Variants in DLGAP1 observed in about 807,000 individuals in gnomAD.
DLGAP1 encodes the protein DLG associated protein 1, also known as disks large-associated protein 1.
Under a neutral mutation model 90.8 loss-of-function variants are expected in DLGAP1, and 11 were observed. The observed-to-expected ratio is 0.12, with a 90% CI of 0.08 to 0.20. The LOEUF (loss-of-function observed/expected upper bound fraction) is 0.20. DLGAP1 is among the 10% of genes least tolerant of loss of function. The pLI is 1.00. For missense variants in DLGAP1, 1,050 were observed against 1,333.8 expected, an observed-to-expected ratio of 0.79 and a Z score of 3.31; for synonymous variants, 558 against 540.7, an observed-to-expected ratio of 1.03 and a Z score of -0.44.
In DLGAP1 at chr18:4,143,719, T is replaced by C. The variant is rs146504801; in HGVS notation, c.-159+7461A>G. Reference sequence around the variant, plus strand: ...CCTAGTCACCCAAACTGGGGATGTATTGGGTCACATGTGCATCCAGCATGG... The same window carrying C: ...CCTAGTCACCCAAACTGGGGATGTACTGGGTCACATGTGCATCCAGCATGG... On this transcript the variant is annotated intron_variant, in intron 2 of 12. Coordinates refer to ENST00000315677, the MANE Select transcript of DLGAP1 (RefSeq NM_004746.4). 7.5e-3 allele frequency among the ~76,000 whole-genome samples: 1,142 copies of C among 152,102 alleles called. 3 individuals carry two copies. The highest frequency in any genetic ancestry group is 0.011 in the Non-Finnish European group (715 of 68,000).
At position 4,074,166 on chromosome 18, in the gene DLGAP1, G is replaced by A. The variant is rs74401504; in HGVS notation, c.-158-68965C>T. Among the ~76,000 whole-genome samples, 37 of 152,214 alleles carry A rather than the reference G, an allele frequency of 2.4e-4. No homozygotes were observed. The East Asian group carries it at 2.5e-3, about 10-fold the overall frequency. On this transcript the variant is annotated intron_variant, in intron 2 of 12. Coordinates refer to ENST00000315677, the MANE Select transcript of DLGAP1 (RefSeq NM_004746.4). Reference sequence around the variant, plus strand: ...AATAAAGACCAATAAACTAGGAGGCGATATAAATGGATTCTAGACTTAGTT... The same window carrying A: ...AATAAAGACCAATAAACTAGGAGGCAATATAAATGGATTCTAGACTTAGTT...
rs2073144949 is a variant in DLGAP1 at position 3,959,282 on chromosome 18, T to G, written c.-73+45834A>C. ...ACCTGACCTTGTCTTTAGGTCCTTT[T>G]GTTTACCTGAAACGTCTACACTCTC... On this transcript the variant is annotated intron_variant, in intron 3 of 12. Coordinates refer to ENST00000315677, the MANE Select transcript of DLGAP1 (RefSeq NM_004746.4). 3.3e-5 allele frequency among the ~76,000 whole-genome samples: 5 copies of G among 152,184 alleles called. No homozygotes were observed. The South Asian group carries it at 1.0e-3, about 32-fold the overall frequency.
intron 5 of DLGAP1, among the ~76,000 whole-genome samples, chr18:3,801,614 A>G (rs750838666): frequency 6.6e-6 from 1 of 152,174 alleles, no homozygotes; most frequent in Non-Finnish European, 1.5e-5. Flanking sequence ...TTCTTGTCTT[A>G]TAGGTACTAT....
At chr18:3,799,062 C>CG (rs972050786) in intron 5 of DLGAP1, among the ~76,000 whole-genome samples, 10 of 152,072 alleles carry the variant, frequency 6.6e-5, no homozygotes, top group African/African-American at 1.4e-4. Context: ...TTAGTACAGA[C>CG]GGGGGGTTTT....
intron 1 of DLGAP1, among the ~76,000 whole-genome samples, chr18:4,402,984 G>T (rs573847688): frequency 1.3e-5 from 2 of 152,244 alleles, no homozygotes; most frequent in South Asian, 4.2e-4. Context: ...CTCAATATAT[G>T]AATTATGGTA....
intron 7 of DLGAP1, among the ~76,000 whole-genome samples, chr18:3,586,831 G>C (rs149771931): frequency 4.6e-5 from 7 of 152,224 alleles, no homozygotes; most frequent in Non-Finnish European, 1.0e-4. Flanking sequence ...TGGTTGGTTG[G>C]TTTCAGTTCT....
chr18:3,769,707 T>C (rs903184461), intron 5 of DLGAP1, among the ~76,000 whole-genome samples: 8 of 151,590 alleles, frequency 5.3e-5, no homozygotes, highest in African/African-American at 1.9e-4. Flanking sequence ...AGTGGTGGGG[T>C]TGGGAGGGAA....
intron 2 of DLGAP1, among the ~76,000 whole-genome samples, chr18:4,114,093 C>T (rs1264023393): frequency 3.9e-5 from 4 of 102,440 alleles, no homozygotes; most frequent in Admixed American, 1.1e-4. Flanking sequence ...CTTAGAATTG[C>T]TTTGGATAAT....
intron 1 of DLGAP1, among the ~76,000 whole-genome samples, chr18:4,269,214 T>C (rs1016713431): frequency 2.0e-5 from 3 of 151,244 alleles, no homozygotes; most frequent in Non-Finnish European, 4.4e-5. Flanking sequence ...TCCATATATC[T>C]ACTTAATTTT....
intron 1 of DLGAP1, among the ~76,000 whole-genome samples, chr18:4,432,589 A>AGTGTGTGTGTGTATGT (rs779917667): frequency 7.6e-4 from 85 of 111,472 alleles, no homozygotes; most frequent in African/African-American, 1.8e-3. Context: ...CACCTCACAT[A>AGTGTGTGTGTGTATGT]GTGTGTGTGT....
At chr18:4,096,385 C>G (rs1176422628) in intron 2 of DLGAP1, among the ~76,000 whole-genome samples, 1 of 152,164 alleles carries the variant, frequency 6.6e-6, no homozygotes, top group African/African-American at 2.4e-5. Context: ...AGCTATTTCT[C>G]TCACATAGGC....
intron 1 of DLGAP1, among the ~76,000 whole-genome samples, chr18:4,220,563 T>A (rs1306985632): frequency 2.0e-5 from 3 of 152,092 alleles, no homozygotes; most frequent in African/African-American, 7.2e-5. Flanking sequence ...TATTTTCCAC[T>A]CTCTCTAGTT....
At chr18:3,742,662 G>A in intron 5 of DLGAP1, 150 bp from the exon 6 acceptor site, 1 of 876,418 alleles carries the variant, frequency 1.1e-6, no homozygotes, top group Middle Eastern at 2.4e-4. Flanking sequence ...CCCCCACAGT[G>A]TCTCAGAAGG....
At chr18:4,169,969 T>C (rs1379739679) in intron 1 of DLGAP1, among the ~76,000 whole-genome samples, 1 of 152,142 alleles carries the variant, frequency 6.6e-6, no homozygotes, top group Non-Finnish European at 1.5e-5. Context: ...TCACTCTACA[T>C]TACACTCAGC....
chr18:3,534,052 G>T, intron 10 of DLGAP1, 142 bp downstream of exon 10: 1 of 900,824 alleles, frequency 1.1e-6, no homozygotes, highest in Non-Finnish European at 1.7e-6. Flanking sequence ...GAATCACCTA[G>T]CTCTCCTGCA....
intron 5 of DLGAP1, among the ~76,000 whole-genome samples, chr18:3,784,162 T>C (rs897121554): frequency 5.1e-4 from 77 of 152,140 alleles, no homozygotes; most frequent in African/African-American, 1.6e-3. Flanking sequence ...TGCAAATCCA[T>C]GTGTAAGTGG....
chr18:4,108,081 C>G (rs1471426501), intron 2 of DLGAP1, among the ~76,000 whole-genome samples: 1 of 152,216 alleles, frequency 6.6e-6, no homozygotes, highest in African/African-American at 2.4e-5. Context: ...TGACATTCTT[C>G]TGTCCCCTGA....
chr18:3,771,642 T>C (rs540239735), intron 5 of DLGAP1, among the ~76,000 whole-genome samples: 1 of 152,324 alleles, frequency 6.6e-6, no homozygotes, highest in African/African-American at 2.4e-5. Context: ...CTCATTCAAG[T>C]TTTTCCATGT....
At chr18:4,263,428 G>T (rs1598751943) in intron 1 of DLGAP1, among the ~76,000 whole-genome samples, 1 of 151,978 alleles carries the variant, frequency 6.6e-6, no homozygotes, top group African/African-American at 2.4e-5. Flanking sequence ...ATTAAAATTT[G>T]TTTGAAGTGA....
Sources: allele counts gnomAD v4.1 joint callset (sites outside exome capture counted in the v4.1 genomes callset), GRCh38; gene constraint gnomAD v4.1.1; transcripts MANE v1.5; gene names NCBI Gene and HGNC (gene_info 2026-07-23, HGNC 2026-07-21).